The following SLC39A10 variants were observed in gnomAD, a reference collection of about 807,000 sequenced individuals.
The protein encoded by SLC39A10 is solute carrier family 39 member 10.
Under a neutral mutation model 65.1 loss-of-function variants are expected in SLC39A10, and 13 were observed. The observed-to-expected ratio is 0.20, with a 90% CI of 0.13 to 0.32. The LOEUF (loss-of-function observed/expected upper bound fraction) is 0.32. SLC39A10 is among the 10% of genes least tolerant of loss of function. The probability of loss-of-function intolerance (pLI) is 1.00; values close to 1 mark genes in which losing one functional copy is unlikely to be tolerated. For missense variants in SLC39A10, 831 were observed against 1,018.4 expected, an observed-to-expected ratio of 0.82 and a Z score of 2.50; for synonymous variants, 321 against 342.2, an observed-to-expected ratio of 0.94 and a Z score of 0.68.
intron 3 of SLC39A10, among the ~76,000 whole-genome samples, chr2:195,705,411 T>A (rs968732065): frequency 7.9e-5 from 12 of 152,222 alleles, no homozygotes; most frequent in Admixed American, 7.9e-4. Flanking sequence ...ATTGAGCTAA[T>A]GAGTATTGGC....
At chr2:195,709,185 C>G (rs1691514376) in intron 5 of SLC39A10, among the ~76,000 whole-genome samples, 1 of 148,030 alleles carries the variant, frequency 6.8e-6, no homozygotes, top group South Asian at 2.2e-4. Context: ...CCACCATGCC[C>G]AGCTAACTTG....
At chr2:195,694,091 C>G (rs534077000) in intron 3 of SLC39A10, among the ~76,000 whole-genome samples, 2 of 152,150 alleles carry the variant, frequency 1.3e-5, no homozygotes, top group East Asian at 3.9e-4. Flanking sequence ...ATTTAATTTC[C>G]TTATATTTGT....
intron 1 of SLC39A10, among the ~76,000 whole-genome samples, chr2:195,671,067 C>G (rs143992307): frequency 1.5e-3 from 233 of 152,310 alleles, no homozygotes; most frequent in African/African-American, 5.5e-3. Context: ...CAGAATTCCT[C>G]TCATGATTCT....
At position 195,666,916 on chromosome 2, in the gene SLC39A10, T is replaced by C. The variant is rs143956391; in HGVS notation, c.-12+9635T>C. ...GGTAGCAATATTACAGGTAGCTTTC[T>C]CCAATATGGTTCCAGGTTCCCTGTA... On this transcript the variant is annotated intron_variant, in intron 1 of 9. Coordinates refer to ENST00000359634, the MANE Select transcript of SLC39A10 (RefSeq NM_020342.3). Among the ~76,000 whole-genome samples, 9 of 152,364 alleles carry C rather than the reference T, an allele frequency of 5.9e-5. No homozygotes were observed. The East Asian group carries it at 1.7e-3, about 29-fold the overall frequency.
At chr2:195,616,482 T>G (rs1462537223) in intron 2 of SLC39A10, among the ~76,000 whole-genome samples, 6 of 149,468 alleles carry the variant, frequency 4.0e-5, no homozygotes, top group South Asian at 2.1e-4. Flanking sequence ...AACTTTTGTA[T>G]TTTTAGTAGA....
intron 2 of SLC39A10, among the ~76,000 whole-genome samples, chr2:195,614,770 ATAGT>A (rs200626594): frequency 8.2e-6 from 1 of 122,376 alleles, no homozygotes; most frequent in Non-Finnish European, 2.0e-5. Context: ...AATGAAAAAA[ATAGT>A]CAGGCATGGT....
intron 3 of SLC39A10, among the ~76,000 whole-genome samples, chr2:195,700,982 T>G (rs1419553061): frequency 1.3e-5 from 2 of 152,160 alleles, no homozygotes; most frequent in Non-Finnish European, 2.9e-5. Context: ...TTAGCCATTA[T>G]TTCTTAAAAT....
intron 3 of SLC39A10, among the ~76,000 whole-genome samples, chr2:195,696,335 A>AAAC (rs1553503250): frequency 7.3e-6 from 1 of 137,686 alleles, no homozygotes; most frequent in Non-Finnish European, 1.6e-5. Context: ...AAAAAAAAAA[A>AAAC]CCTATCATTA....
chr2:195,718,215 A>G (rs765689079), intron 7 of SLC39A10, 37 bp from the exon 8 acceptor site: 65 of 1,554,260 alleles, frequency 4.2e-5, no homozygotes, highest in Middle Eastern at 1.7e-4. Context: ...AGTTAAGATC[A>G]GCAAACCTCA....
At chr2:195,676,193 C>T (rs898563261) in intron 1 of SLC39A10, among the ~76,000 whole-genome samples, 4 of 149,016 alleles carry the variant, frequency 2.7e-5, no homozygotes, top group South Asian at 2.2e-4. Context: ...CCTCCCCTGC[C>T]GCCACCGAGA....
intron 3 of SLC39A10, among the ~76,000 whole-genome samples, chr2:195,698,017 A>G (rs1691035071): frequency 6.6e-6 from 1 of 151,226 alleles, no homozygotes. Flanking sequence ...CAGATGGTTC[A>G]TTGTTAGTAT....
chr2:195,676,983 G>C (rs1025112246), intron 1 of SLC39A10, among the ~76,000 whole-genome samples: 2 of 151,952 alleles, frequency 1.3e-5, no homozygotes, highest in Non-Finnish European at 2.9e-5. Context: ...CCTTTTAGTG[G>C]TTTTATATGT....
upstream of SLC39A10, among the ~76,000 whole-genome samples, chr2:195,653,653 A>G (rs1689085961): frequency 6.6e-6 from 1 of 152,222 alleles, no homozygotes; most frequent in South Asian, 2.1e-4. Context: ...ATCCATTCCC[A>G]TCATGCCTGG....
intron 3 of SLC39A10, among the ~76,000 whole-genome samples, chr2:195,690,177 A>G (rs865851672): frequency 5.4e-4 from 75 of 137,796 alleles, no homozygotes; most frequent in African/African-American, 2.0e-3. Context: ...CTCTCTGAAA[A>G]AAAAAAAAAA....
intron 2 of SLC39A10, among the ~76,000 whole-genome samples, chr2:195,635,537 C>T (rs143362707): frequency 1.8e-4 from 27 of 152,296 alleles, no homozygotes; most frequent in African/African-American, 6.3e-4. Flanking sequence ...AAAGAAGTGG[C>T]ACATACTAGA....
At chr2:195,627,686 G>A (rs1348491821) in intron 2 of SLC39A10, among the ~76,000 whole-genome samples, 1 of 152,124 alleles carries the variant, frequency 6.6e-6, no homozygotes, top group East Asian at 1.9e-4. Context: ...ATAATACAAA[G>A]TGAGACTGGG....
At chr2:195,636,362 G>T (rs1688696389) in intron 2 of SLC39A10, among the ~76,000 whole-genome samples, 1 of 152,044 alleles carries the variant, frequency 6.6e-6, no homozygotes, top group Admixed American at 6.5e-5. Context: ...ACATGAAATA[G>T]TAAGTATTTA....
chr2:195,620,563 G>C (rs1342382818), intron 2 of SLC39A10, among the ~76,000 whole-genome samples: 1 of 151,950 alleles, frequency 6.6e-6, no homozygotes, highest in Non-Finnish European at 1.5e-5. Flanking sequence ...TTAAAGTCTG[G>C]AGAACTACAT....
chr2:195,695,396 A>G (rs1690910837), intron 3 of SLC39A10, among the ~76,000 whole-genome samples: 1 of 152,150 alleles, frequency 6.6e-6, no homozygotes, highest in African/African-American at 2.4e-5. Context: ...ACTGGCAGTC[A>G]CAGGCCTCAC....
Sources: allele counts gnomAD v4.1 joint callset (sites outside exome capture counted in the v4.1 genomes callset), GRCh38; gene constraint gnomAD v4.1.1; transcripts MANE v1.5; gene names NCBI Gene and HGNC (gene_info 2026-07-23, HGNC 2026-07-21).